The following PCLO variants were observed in gnomAD, a reference collection of about 807,000 sequenced individuals.
PCLO encodes the protein protein piccolo.
Under a neutral mutation model 427.5 loss-of-function variants are expected in PCLO, and 82 were observed. The ratio of observed to expected loss-of-function variants is 0.19; its 90% CI spans 0.16 to 0.23. The LOEUF is 0.23. PCLO is among the 10% of genes least tolerant of loss of function. The pLI, the probability that PCLO is intolerant of heterozygous loss-of-function variation, is 1.00. For synonymous variants in PCLO, 2,357 were observed against 2,155.4 expected, an observed-to-expected ratio of 1.09 and a Z score of -2.59; for missense variants, 6,239 against 6,115.9, an observed-to-expected ratio of 1.02 and a Z score of -0.67.
At chr7:82,846,015 A>G (rs957217463) in intron 12 of PCLO, among the ~76,000 whole-genome samples, 1 of 152,130 alleles carries the variant, frequency 6.6e-6, no homozygotes, top group African/African-American at 2.4e-5. Flanking sequence ...TTTATTAAAC[A>G]TAGGAAAAAG....
chr7:82,998,553 C>A (rs1787692986), intron 3 of PCLO, among the ~76,000 whole-genome samples: 1 of 151,852 alleles, frequency 6.6e-6, no homozygotes, highest in Non-Finnish European at 1.5e-5. Flanking sequence ...AAATACCTAA[C>A]TCCAGGCCTC....
intron 3 of PCLO, among the ~76,000 whole-genome samples, chr7:83,055,047 T>C (rs1378133148): frequency 1.3e-5 from 2 of 152,022 alleles, no homozygotes; most frequent in Admixed American, 6.6e-5. Context: ...CAACAGAAAA[T>C]CTCCTGAAGG....
In PCLO at chr7:82,954,120, AC is replaced by A; in HGVS notation, c.6832del (p.Val2278TyrfsTer24). 6.2e-7 allele frequency: 1 copy of A among 1,613,924 alleles called. No homozygotes were observed. The highest frequency in any genetic ancestry group is 1.1e-5 in the South Asian group (1 of 91,078). ...DMASSIIESVVPKPEGPVADT... is the reference protein window; with the variant it reads ...DMASSIIESVXPKPEGPVADT... ...AGCAACTGGCCCTTCAGGTTTAGGT[AC>A]TACAGATTCTATGATAGAAGATGCC... On this transcript the variant is annotated frameshift_variant, in exon 5 of 25. Transcript: ENST00000333891. LOFTEE classifies it high-confidence loss of function.
At chr7:82,999,994 C>A (rs1176951920) in intron 3 of PCLO, among the ~76,000 whole-genome samples, 1 of 140,926 alleles carries the variant, frequency 7.1e-6, no homozygotes, top group African/African-American at 2.6e-5. Flanking sequence ...AGACACTGAA[C>A]CACAGATCCA....
chr7:83,069,518 GAAATTTCACAT>G (rs1789752152), intron 3 of PCLO, among the ~76,000 whole-genome samples: 2 of 152,136 alleles, frequency 1.3e-5, no homozygotes, highest in South Asian at 4.1e-4. Context: ...AATTACCTTT[GAAATTTCACAT>G]AAATTTTAAG....
chr7:83,142,639 CTT>C (rs138663262), intron 2 of PCLO, among the ~76,000 whole-genome samples: 8,900 of 152,114 alleles, frequency 0.059, 563 homozygotes, highest in East Asian at 0.25. Flanking sequence ...ATTGTTTCCT[CTT>C]GTCTCCTCAT....
chr7:83,008,331 T>A (rs1334365717), intron 3 of PCLO, among the ~76,000 whole-genome samples: 1 of 151,750 alleles, frequency 6.6e-6, no homozygotes, highest in Non-Finnish European at 1.5e-5. Context: ...CCGGTTAATA[T>A]AAAACCAACA....
At chr7:83,043,912 C>CTTTTCTTTTTTTTTTTTTTTTT (rs1789033893) in intron 3 of PCLO, among the ~76,000 whole-genome samples, 1 of 94,910 alleles carries the variant, frequency 1.1e-5, no homozygotes. Context: ...CTATTATTTT[C>CTTTTCTTTTTTTTTTTTTTTTT]TTTTTTTTTT....
intron 3 of PCLO, among the ~76,000 whole-genome samples, chr7:83,061,281 T>C (rs922980133): frequency 1.3e-5 from 2 of 152,212 alleles, no homozygotes; most frequent in South Asian, 4.1e-4. Flanking sequence ...TGCTATTCCC[T>C]GCCATGTGGG....
At chr7:83,069,827 A>ACACACACAC (rs1562948973) in intron 3 of PCLO, among the ~76,000 whole-genome samples, 10 of 121,120 alleles carry the variant, frequency 8.3e-5, no homozygotes, top group Admixed American at 1.1e-4. Context: ...ACACACACAC[A>ACACACACAC]AAGACTGATG....
At chr7:83,149,993 A>T (rs1480339116) in intron 2 of PCLO, among the ~76,000 whole-genome samples, 1 of 149,374 alleles carries the variant, frequency 6.7e-6, no homozygotes, top group Non-Finnish European at 1.5e-5. Context: ...CATAATGACT[A>T]AAAAAAAAAT....
intron 3 of PCLO, among the ~76,000 whole-genome samples, chr7:83,106,865 T>G (rs6974024): frequency 0.056 from 8,464 of 152,156 alleles, 355 homozygotes; most frequent in African/African-American, 0.1. Context: ...AATATGTGCA[T>G]TAGTGACATT....
At chr7:82,837,398 C>G (rs1792257154) in intron 15 of PCLO, among the ~76,000 whole-genome samples, 1 of 151,696 alleles carries the variant, frequency 6.6e-6, no homozygotes, top group Non-Finnish European at 1.5e-5. Context: ...AAAATAAAAC[C>G]AGTTTCTTTA....
chr7:82,937,608 T>C (rs1794986689), intron 6 of PCLO, among the ~76,000 whole-genome samples: 1 of 151,736 alleles, frequency 6.6e-6, no homozygotes, highest in Non-Finnish European at 1.5e-5. Flanking sequence ...TCCCATTGCA[T>C]ATTTTAAATG....
intron 3 of PCLO, among the ~76,000 whole-genome samples, chr7:82,968,517 CTTTT>C (rs11324005): frequency 2.7e-5 from 2 of 73,206 alleles, no homozygotes; most frequent in African/African-American, 9.6e-5. Flanking sequence ...CAGAGTCTGA[CTTTT>C]TTTTTTTTTT....
chr7:82,867,634 T>C (rs1793129579), intron 10 of PCLO, among the ~76,000 whole-genome samples: 1 of 152,170 alleles, frequency 6.6e-6, no homozygotes, highest in South Asian at 2.1e-4. Context: ...GAAATCTAAC[T>C]GTAGGAACAA....
chr7:82,892,898 G>A (rs989049369), intron 9 of PCLO, among the ~76,000 whole-genome samples: 1 of 152,044 alleles, frequency 6.6e-6, no homozygotes, highest in African/African-American at 2.4e-5. Flanking sequence ...CAGTTAGAAT[G>A]GCAATCATTA....
At chr7:83,101,770 C>T (rs1054291233) in intron 3 of PCLO, among the ~76,000 whole-genome samples, 2 of 152,078 alleles carry the variant, frequency 1.3e-5, no homozygotes, top group South Asian at 4.1e-4. Flanking sequence ...AATCCTATCA[C>T]GCACTGCAAA....
intron 3 of PCLO, among the ~76,000 whole-genome samples, chr7:83,055,118 C>T (rs1004716591): frequency 6.6e-6 from 1 of 152,012 alleles, no homozygotes; most frequent in Non-Finnish European, 1.5e-5. Context: ...CACGTTTTTG[C>T]TAATAAAAAC....
Sources: allele counts gnomAD v4.1 joint callset (sites outside exome capture counted in the v4.1 genomes callset), GRCh38; gene constraint gnomAD v4.1.1; transcripts MANE v1.5; gene names NCBI Gene and HGNC (gene_info 2026-07-23, HGNC 2026-07-21).